Variants in MARCHF3 observed in about 807,000 individuals in gnomAD.
MARCHF3 encodes E3 ubiquitin-protein ligase MARCHF3.
Under a neutral mutation model 24.2 loss-of-function variants are expected in MARCHF3, and 13 were observed. The ratio of observed to expected loss-of-function variants is 0.54; its 90% confidence interval spans 0.35 to 0.85. The LOEUF is 0.85. Ranked by LOEUF, MARCHF3 falls within the 40% of genes least tolerant of loss-of-function variation. MARCHF3 has a pLI of 0.01. For missense variants in MARCHF3, 276 were observed against 325.0 expected (o/e 0.85, Z 1.16); for synonymous variants, 144 against 137.3 (o/e 1.05, Z -0.34).
At chr5:126,876,320 TA>T (rs989572300) in intron 4 of MARCHF3, among the ~76,000 whole-genome samples, 3 of 152,210 alleles carry the variant, frequency 2.0e-5, no homozygotes, top group East Asian at 3.9e-4. Flanking sequence ...GGCACTCTTC[TA>T]AAAAAAATTA....
chr5:126,990,088 A>G (rs1751700965), intron 1 of MARCHF3, among the ~76,000 whole-genome samples: 1 of 65,652 alleles, frequency 1.5e-5, no homozygotes, highest in African/African-American at 5.8e-5. Flanking sequence ...CCATTTAACA[A>G]GACAATCCTA....
intron 2 of MARCHF3, among the ~76,000 whole-genome samples, chr5:126,916,692 G>GACAGACACACACACAC (rs750408549): frequency 3.9e-4 from 51 of 130,556 alleles, no homozygotes; most frequent in Non-Finnish European, 6.6e-4. Context: ...CAGACAGACA[G>GACAGACACACACACAC]ACACACACAC....
chr5:126,974,050 A>T (rs904980061), intron 1 of MARCHF3, among the ~76,000 whole-genome samples: 1 of 151,534 alleles, frequency 6.6e-6, no homozygotes, highest in East Asian at 1.9e-4. Flanking sequence ...GGCGCCCGCC[A>T]CCGCGCCCGG....
intron 1 of MARCHF3, among the ~76,000 whole-genome samples, chr5:127,018,934 T>A (rs1318807604): frequency 6.6e-6 from 1 of 152,182 alleles, no homozygotes; most frequent in Non-Finnish European, 1.5e-5. Flanking sequence ...TTTACATTCA[T>A]CAGTAATTAT....
intron 3 of MARCHF3, among the ~76,000 whole-genome samples, chr5:126,881,655 A>G (rs1480538523): frequency 6.6e-6 from 1 of 152,200 alleles, no homozygotes; most frequent in Non-Finnish European, 1.5e-5. Flanking sequence ...AGTGGACAGA[A>G]TGTATAGTAT....
At chr5:126,883,591 G>A (rs1753410542) in intron 3 of MARCHF3, among the ~76,000 whole-genome samples, 1 of 152,216 alleles carries the variant, frequency 6.6e-6, no homozygotes, top group African/African-American at 2.4e-5. Flanking sequence ...CACTGGCTGT[G>A]AATGTACATC....
chr5:126,887,647 G>A (rs1753549893), intron 3 of MARCHF3, among the ~76,000 whole-genome samples: 1 of 152,162 alleles, frequency 6.6e-6, no homozygotes, highest in South Asian at 2.1e-4. Flanking sequence ...TTAAGCACCT[G>A]GTACCCAGCT....
chr5:126,971,374 G>A (rs955456728), intron 1 of MARCHF3, among the ~76,000 whole-genome samples: 2 of 150,732 alleles, frequency 1.3e-5, no homozygotes, highest in African/African-American at 2.4e-5. Flanking sequence ...GCATGAACCC[G>A]GGAGGCAGAG....
Position 126,984,607 on chromosome 5 carries a change from T to C in MARCHF3, c.-57+45743A>G, listed in dbSNP as rs138034962. 9.7e-4 allele frequency among the ~76,000 whole-genome samples: 147 copies of C among 152,262 alleles called. 2 individuals are homozygous for C. Among genetic ancestry groups the C allele is most frequent in the Middle Eastern group, 6.8e-3 (2 of 294 alleles). On this transcript the variant is annotated intron_variant, in intron 1 of 4. Transcript: ENST00000308660. ...AAACATTCTTGGGTCATGGGTCTCT[T>C]CTAGGATACAAGAAAAACTATAGAG... is the stretch of plus-strand genomic sequence containing the variant.
intron 1 of MARCHF3, among the ~76,000 whole-genome samples, chr5:126,973,395 G>A (rs1048920420): frequency 3.3e-5 from 5 of 152,204 alleles, no homozygotes; most frequent in Non-Finnish European, 7.3e-5. Flanking sequence ...CGAGCACAAC[G>A]CATGGAATTC....
At chr5:127,020,615 C>A (rs999966168) in intron 1 of MARCHF3, among the ~76,000 whole-genome samples, 1 of 152,092 alleles carries the variant, frequency 6.6e-6, no homozygotes, top group African/African-American at 2.4e-5. Flanking sequence ...CTTTGGGAGG[C>A]CAAGTTGGGC....
rs1184023765 is a variant in MARCHF3 at position 126,970,078 on chromosome 5, TTTTC to T, written c.-56-51855_-56-51852del. Among the ~76,000 whole-genome samples the T allele has an allele frequency of 4.0e-5, 6 of 151,686 alleles. No homozygotes were observed. In the East Asian group the frequency reaches 9.7e-4, roughly 25 times the overall value. ...GGCTTATGCTCTTTTTCTTCTTCTT[TTTTC>T]TTTTTTTTTTAATTTTTTTATTTTT... On this transcript the variant is annotated intron_variant, in intron 1 of 4. Transcript: ENST00000308660.
At chr5:126,953,922 A>T (rs1750339993) in intron 1 of MARCHF3, among the ~76,000 whole-genome samples, 1 of 152,144 alleles carries the variant, frequency 6.6e-6, no homozygotes, top group Non-Finnish European at 1.5e-5. Context: ...GGTCTAGGAG[A>T]TTTACTTGAC....
intron 1 of MARCHF3, among the ~76,000 whole-genome samples, chr5:126,959,763 G>A (rs577098402): frequency 2.0e-5 from 3 of 152,102 alleles, no homozygotes; most frequent in South Asian, 2.1e-4. Context: ...AAATGATCAC[G>A]GCCAATAATT....
intron 3 of MARCHF3, 151 bp downstream of exon 3, chr5:126,914,779 C>CACACACAT (rs1754661643): frequency 3.1e-6 from 2 of 648,374 alleles, no homozygotes; most frequent in Non-Finnish European, 5.5e-6. Flanking sequence ...CACACACACA[C>CACACACAT]ACACACACAC....
intron 1 of MARCHF3, among the ~76,000 whole-genome samples, chr5:126,935,760 G>C (rs920875499): frequency 1.3e-5 from 2 of 151,640 alleles, no homozygotes; most frequent in African/African-American, 4.8e-5. Context: ...ACAGGCGCCT[G>C]CCACCATGCC....
chr5:126,982,759 ACT>A (rs1466648769), intron 1 of MARCHF3, among the ~76,000 whole-genome samples: 1 of 152,190 alleles, frequency 6.6e-6, no homozygotes, highest in African/African-American at 2.4e-5. Context: ...TCACAGAAAT[ACT>A]CTGAGCACTA....
chr5:126,898,877 A>C, intron 3 of MARCHF3: 15 of 981,374 alleles, frequency 1.5e-5, no homozygotes, highest in Non-Finnish European at 1.8e-5. Flanking sequence ...AAAACATTTC[A>C]TTTTCTTCTT....
Position 126,869,417 on chromosome 5 carries a change from C to G in MARCHF3, c.*1216G>C, listed in dbSNP as rs138945342. 6.6e-6 allele frequency: 1 copy of G among 152,188 alleles called. No individual in the cohort carries two copies. The highest frequency in any genetic ancestry group is 2.4e-5 in the African/African-American group (1 of 41,528). The allele number at this position is 152,188 out of a possible 1,614,324, so 9.4% of individuals were successfully genotyped here. A position where few individuals can be genotyped will look rare whatever the true frequency, so the allele number is the denominator to read the frequency against. On this transcript the variant is annotated 3_prime_UTR_variant, in exon 5 of 5. Transcript: ENST00000308660. The stretch of plus-strand genomic sequence containing the variant: ...GCACAATGCAGGCTGCGGATCAGAC[C>G]CTTTACACTGCGACGGATAAAAGAG...
Sources: gnomAD v4.1 joint callset for allele counts (sites outside exome capture counted in the v4.1 genomes callset) on GRCh38, gnomAD v4.1.1 for gene constraint, MANE v1.5 for transcripts, NCBI Gene and HGNC (gene_info 2026-07-23, HGNC 2026-07-21) for gene names.